ZNF282: variants seen among roughly 807,000 people sequenced by gnomAD.
ZNF282 encodes zinc finger protein 282, also known as HTLV-I U5 repressive element-binding protein 1.
A neutral mutation model predicts 61.9 loss-of-function variants in ZNF282; 30 were observed. The ratio of observed to expected loss-of-function variants is 0.48; its 90% CI spans 0.36 to 0.66. ZNF282 has a LOEUF of 0.66. Among genes scored for constraint, ZNF282 ranks in the 30% least tolerant of loss-of-function variants. The pLI, the probability that ZNF282 is intolerant of heterozygous loss-of-function variation, is 0.00. For missense variants in ZNF282, 788 were observed against 941.4 expected (o/e 0.84, Z 2.13); for synonymous variants, 396 against 405.0 (o/e 0.98, Z 0.27).
intron 4 of ZNF282, among the ~76,000 whole-genome samples, chr7:149,208,435 T>A (rs1796031535): frequency 1.3e-5 from 2 of 151,712 alleles, no homozygotes; most frequent in South Asian, 4.2e-4. Flanking sequence ...ACTCCTGACC[T>A]CAAGTGATCC....
intron 7 of ZNF282, among the ~76,000 whole-genome samples, chr7:149,218,583 T>C (rs1796193142): frequency 1.3e-5 from 2 of 152,264 alleles, no homozygotes; most frequent in South Asian, 4.1e-4. Flanking sequence ...GGGGATAGAC[T>C]GATTTGGGAG....
At chr7:149,204,598 G>A (rs1795964039) in intron 2 of ZNF282, among the ~76,000 whole-genome samples, 1 of 152,172 alleles carries the variant, frequency 6.6e-6, no homozygotes, top group Non-Finnish European at 1.5e-5. Flanking sequence ...GATTTGCAAG[G>A]AGAGGGGCAA....
At chr7:149,223,311 G>T (rs1232751815) in intron 7 of ZNF282, among the ~76,000 whole-genome samples, 2 of 151,662 alleles carry the variant, frequency 1.3e-5, no homozygotes, top group African/African-American at 4.9e-5. Flanking sequence ...AGCTGGGCCT[G>T]GTGGCGCATG....
At position 149,198,540 on chromosome 7, in the gene ZNF282, C is replaced by T; in HGVS notation, c.373C>T (p.Arg125Cys). The T allele has an allele frequency of 1.2e-6, 2 of 1,614,188 alleles. No individual in the cohort carries two copies. Among genetic ancestry groups the T allele is most frequent in the South Asian group, 1.1e-5 (1 of 91,084 alleles). Reference protein sequence around the residue: ...QASQLLNLEGRTGTAEKKLAD... With the variant: ...QASQLLNLEGCTGTAEKKLAD... The stretch of plus-strand genomic sequence containing the variant: ...CAGCCAGCTGCTGAACCTGGAGGGG[C>T]GCACGGGGACAGCCGAGAAGAAGCT... The change falls in exon 2 of 8, where the codon CGC (arginine) becomes TGC (cysteine). Residue 125 changes from arginine to cysteine, a missense_variant. By Grantham distance (180) the Arg-to-Cys change is radical. Transcript: ENST00000610704. The surrounding 1 kb of genome is among the most constrained non-coding windows in gnomAD (Gnocchi z 4.3).
At chr7:149,199,233 C>G (rs111956977) in intron 2 of ZNF282, among the ~76,000 whole-genome samples, 69 of 152,298 alleles carry the variant, frequency 4.5e-4, no homozygotes, top group African/African-American at 1.6e-3. Flanking sequence ...TATCTTACTC[C>G]GTTCCCTCTC....
At chr7:149,204,631 C>T (rs1398146145) in intron 2 of ZNF282, among the ~76,000 whole-genome samples, 3 of 152,088 alleles carry the variant, frequency 2.0e-5, no homozygotes, top group Non-Finnish European at 4.4e-5. Flanking sequence ...CCGGCGCCTA[C>T]CTGAGATCAA....
At chr7:149,221,287 C>T (rs191643868) in intron 7 of ZNF282, among the ~76,000 whole-genome samples, 9 of 152,278 alleles carry the variant, frequency 5.9e-5, no homozygotes, top group East Asian at 1.9e-4. Flanking sequence ...AGCACAACGG[C>T]GGAGCAAAGG....
Position 149,210,561 on chromosome 7 carries a change from A to G in ZNF282, c.833-24A>G, listed in dbSNP as rs199671965. The G allele has an allele frequency of 4.4e-6, 7 of 1,606,308 alleles. No homozygotes were observed. The Admixed American group carries it at 1.2e-4, about 27-fold the overall frequency. ...GGTGCCTGCAGAAAAAAAGACACAA[A>G]GCAATGTCATTCTCTGTCCCCAGGA... On this transcript the variant is annotated intron_variant, in intron 4 of 7. Coordinates refer to ENST00000610704, the MANE Select transcript of ZNF282 (RefSeq NM_003575.4).
intron 2 of ZNF282, among the ~76,000 whole-genome samples, chr7:149,205,523 G>A (rs1203977305): frequency 6.6e-6 from 1 of 152,206 alleles, no homozygotes; most frequent in Non-Finnish European, 1.5e-5. Flanking sequence ...GCATCTGGTG[G>A]AAGGTCCAGT....
intron 7 of ZNF282, among the ~76,000 whole-genome samples, chr7:149,222,489 T>C (rs1003715950): frequency 5.9e-5 from 9 of 152,124 alleles, no homozygotes; most frequent in African/African-American, 2.2e-4. Context: ...TGTCCTGAGA[T>C]AAAAGTGAGC....
intron 4 of ZNF282, among the ~76,000 whole-genome samples, 171 bp from the exon 5 acceptor site, chr7:149,210,414 C>T (rs34280758): frequency 0.043 from 6,553 of 152,346 alleles, 198 homozygotes; most frequent in Non-Finnish European, 0.067. Context: ...CCCGAGACCC[C>T]TGTCTTCTCC....
At position 149,198,419 on chromosome 7, in the gene ZNF282, C is replaced by T. The variant is rs1795854915; in HGVS notation, c.252C>T (p.Arg84=). The T allele has an allele frequency of 6.2e-7, 1 of 1,614,082 alleles. No homozygotes were observed. The highest frequency in any genetic ancestry group is 8.5e-7 in the Non-Finnish European group (1 of 1,180,046). Residue 84 remains arginine (R), a synonymous_variant, in exon 2 of 8, where the codon CGC becomes CGT. Coordinates refer to ENST00000610704, the MANE Select transcript of ZNF282 (RefSeq NM_003575.4). This position sits in a 1 kb window ranked among gnomAD's most constrained non-coding sequence, Gnocchi z 4.3. ...FPDRAPVFPD[R]MMREPQLPTA... ...ATAGGGCACCTGTCTTCCCCGACCG[C>T]ATGATGCGAGAGCCCCAGTTGCCCA...
chr7:149,209,274 A>T (rs970965445), intron 4 of ZNF282, among the ~76,000 whole-genome samples: 2 of 151,340 alleles, frequency 1.3e-5, no homozygotes, highest in African/African-American at 4.9e-5. Context: ...GTGAGCCGAG[A>T]TTGTGCCACT....
At chr7:149,211,390 G>A (rs1020098354) in intron 5 of ZNF282, among the ~76,000 whole-genome samples, 1 of 152,176 alleles carries the variant, frequency 6.6e-6, no homozygotes, top group Non-Finnish European at 1.5e-5. Flanking sequence ...TGATGTGGCT[G>A]CTGGAGCCTG....
intron 4 of ZNF282, among the ~76,000 whole-genome samples, chr7:149,208,452 C>A (rs2693315): frequency 6.6e-6 from 1 of 151,470 alleles, no homozygotes; most frequent in Non-Finnish European, 1.5e-5. Context: ...ATCCACCCGC[C>A]TCGGCCTCCC....
chr7:149,223,285 T>TG (rs1478091606), intron 7 of ZNF282, among the ~76,000 whole-genome samples: 1 of 73,732 alleles, frequency 1.4e-5, no homozygotes, highest in Non-Finnish European at 2.6e-5. Context: ...AAAAGATTTG[T>TG]TTTTTTTTTT....
Position 149,224,990 on chromosome 7 carries a change from G to A in ZNF282, c.*343G>A. On this transcript the variant is annotated 3_prime_UTR_variant, in exon 8 of 8. Coordinates refer to ENST00000610704, the MANE Select transcript of ZNF282 (RefSeq NM_003575.4). ...CCAGGGAGTCCCGAAGCCCTTCTGA[G>A]ATCAGGAAATCAGGTCCCAAGGTTA... The A allele has an allele frequency of 3.2e-6, 1 of 315,102 alleles. No homozygotes were observed. Among genetic ancestry groups the A allele is most frequent in the East Asian group, 5.6e-5 (1 of 17,734 alleles). The allele number at this position is 315,102 out of a possible 1,614,324, so 19.5% of individuals were successfully genotyped here.
chr7:149,199,992 A>C (rs932898403), intron 2 of ZNF282, among the ~76,000 whole-genome samples: 6 of 152,140 alleles, frequency 3.9e-5, no homozygotes, highest in Non-Finnish European at 5.9e-5. Context: ...CAGTTGTTTC[A>C]ATTTTTAAAA....
intron 2 of ZNF282, 111 bp from the exon 3 acceptor site, chr7:149,206,585 G>A: frequency 6.5e-7 from 1 of 1,533,646 alleles, no homozygotes; most frequent in East Asian, 2.3e-5. Flanking sequence ...GGGAGCCACG[G>A]AGAGCAAAGG....
Sources: gnomAD v4.1 joint callset for allele counts (sites outside exome capture counted in the v4.1 genomes callset) on GRCh38, gnomAD v4.1.1 for gene constraint, Gnocchi (gnomAD v3.1) non-coding constraint, MANE v1.5 for transcripts, NCBI Gene and HGNC (gene_info 2026-07-23, HGNC 2026-07-21) for gene names.